The following RAD51B variants were observed in gnomAD, a reference collection of about 807,000 sequenced individuals.
RAD51B encodes the protein DNA repair protein RAD51 homolog 2.
In RAD51B, 38 loss-of-function variants were observed where a neutral mutation model predicts 42.2. The ratio of observed to expected loss-of-function variants is 0.90; its 90% confidence interval spans 0.70 to 1.18. The LOEUF is 1.18. RAD51B is among the 50% of genes most tolerant of loss of function. The probability of loss-of-function intolerance (pLI) is 0.00; values close to 1 mark genes in which losing one functional copy is unlikely to be tolerated. For synonymous variants in RAD51B, 154 were observed against 145.2 expected (o/e 1.06, Z -0.43); for missense variants, 373 against 400.7 (o/e 0.93, Z 0.59).
At chr14:67,959,995 G>T (rs1386312656) in intron 7 of RAD51B, among the ~76,000 whole-genome samples, 1 of 151,984 alleles carries the variant, frequency 6.6e-6, no homozygotes, top group African/African-American at 2.4e-5. Context: ...TGAGGCAGGA[G>T]AATTGCTTGA....
At chr14:67,968,133 G>A (rs2074822744) in intron 7 of RAD51B, among the ~76,000 whole-genome samples, 1 of 152,218 alleles carries the variant, frequency 6.6e-6, no homozygotes, top group Admixed American at 6.5e-5. Context: ...ACCCCTTTTA[G>A]CAATGGCTGG....
intron 7 of RAD51B, among the ~76,000 whole-genome samples, chr14:68,109,175 C>T (rs2077422997): frequency 6.6e-6 from 1 of 151,868 alleles, no homozygotes; most frequent in Non-Finnish European, 1.5e-5. Context: ...TTCCTGCATT[C>T]TCTATTATTC....
chr14:68,663,786 C>T (rs1047115408), intron 11 of RAD51B, among the ~76,000 whole-genome samples: 2 of 152,186 alleles, frequency 1.3e-5, no homozygotes, highest in African/African-American at 4.8e-5. Flanking sequence ...CAGGATTGAA[C>T]TTGATTTCCA....
At position 68,565,859 on chromosome 14, in the gene RAD51B, G is replaced by A. The variant is rs1465028963; in HGVS notation, c.1037-28626G>A. Among the ~76,000 whole-genome samples the A allele has an allele frequency of 6.6e-6, 1 of 152,196 alleles. No homozygotes were observed. ...CCAGTTCTCCCAGTGCAACTGGGGA[G>A]GGTATCTGGATCTTTTCCCTGGAGG... On this transcript the variant is annotated intron_variant, in intron 10 of 10. Transcript: ENST00000487270. The surrounding 1 kb of genome is among the most constrained non-coding windows in gnomAD (Gnocchi z 4.1).
At chr14:68,335,948 GAGAGA>G (rs1367948949) in intron 8 of RAD51B, among the ~76,000 whole-genome samples, 1 of 152,234 alleles carries the variant, frequency 6.6e-6, no homozygotes, top group East Asian at 1.9e-4. Flanking sequence ...CATAAAGGCT[GAGAGA>G]AGGTTTATCA....
At chr14:68,606,928 A>G (rs1466973419) in intron 10 of RAD51B, among the ~76,000 whole-genome samples, 2 of 152,210 alleles carry the variant, frequency 1.3e-5, no homozygotes, top group Admixed American at 6.5e-5. Flanking sequence ...CTTCTTCAGT[A>G]GTTGAGGAGG....
At chr14:68,259,787 G>T (rs1247391967) in intron 7 of RAD51B, among the ~76,000 whole-genome samples, 2 of 152,094 alleles carry the variant, frequency 1.3e-5, no homozygotes, top group Non-Finnish European at 2.9e-5. Context: ...GTTAAGCATG[G>T]TGTCTTGACC....
intron 9 of RAD51B, among the ~76,000 whole-genome samples, chr14:68,443,321 G>A (rs17828721): frequency 1.3e-5 from 2 of 152,026 alleles, no homozygotes; most frequent in Non-Finnish European, 2.9e-5. Context: ...TTTTTTGAAC[G>A]AGTGTCTGAT....
intron 8 of RAD51B, among the ~76,000 whole-genome samples, chr14:68,372,049 G>A (rs1249474362): frequency 6.6e-6 from 1 of 152,198 alleles, no homozygotes; most frequent in Non-Finnish European, 1.5e-5. Flanking sequence ...AGAGGATCAG[G>A]TGGGAAGAAA....
chr14:68,302,694 A>G (rs993503205), intron 8 of RAD51B, among the ~76,000 whole-genome samples: 1 of 152,210 alleles, frequency 6.6e-6, no homozygotes, highest in Non-Finnish European at 1.5e-5. Flanking sequence ...CATTGTTTCT[A>G]TAGATATTAA....
chr14:68,219,780 T>G (rs1006322056), intron 7 of RAD51B, among the ~76,000 whole-genome samples: 2 of 152,012 alleles, frequency 1.3e-5, no homozygotes, highest in Admixed American at 1.3e-4. Flanking sequence ...ATGAGGTTCT[T>G]TAACACCCCC....
At chr14:68,468,051 T>A (rs1449216923) in intron 9 of RAD51B, 121 bp from the exon 10 acceptor site, 16 of 809,902 alleles carry the variant, frequency 2.0e-5, no homozygotes, top group Admixed American at 1.0e-4. Flanking sequence ...TTTTTTTTTT[T>A]AAATAAGCCT....
intron 11 of RAD51B, among the ~76,000 whole-genome samples, chr14:68,676,975 G>A (rs1222572986): frequency 1.3e-5 from 2 of 152,210 alleles, no homozygotes; most frequent in Non-Finnish European, 2.9e-5. Context: ...GAAGCACAAA[G>A]CGTGGAGCTC....
At chr14:67,923,916 A>C (rs1351672255) in intron 7 of RAD51B, among the ~76,000 whole-genome samples, 2 of 152,180 alleles carry the variant, frequency 1.3e-5, no homozygotes, top group African/African-American at 4.8e-5. Flanking sequence ...AATTATGGCC[A>C]TTCTTGCAGG....
At chr14:68,006,291 T>C (rs866767950) in intron 7 of RAD51B, among the ~76,000 whole-genome samples, 2 of 152,356 alleles carry the variant, frequency 1.3e-5, no homozygotes, top group Middle Eastern at 6.8e-3. Flanking sequence ...GTACTACAAC[T>C]AGCTTCTCTA....
intron 11 of RAD51B, among the ~76,000 whole-genome samples, chr14:68,653,124 G>T (rs997229788): frequency 6.6e-6 from 1 of 152,170 alleles, no homozygotes; most frequent in African/African-American, 2.4e-5. Flanking sequence ...GTGGGCTCAC[G>T]GTGACCCACA....
intron 7 of RAD51B, among the ~76,000 whole-genome samples, chr14:68,126,282 G>T (rs2140655346): frequency 6.6e-6 from 1 of 152,192 alleles, no homozygotes; most frequent in Middle Eastern, 3.4e-3. Context: ...GAGCATGTTT[G>T]CTGCCTTGAT....
intron 8 of RAD51B, among the ~76,000 whole-genome samples, chr14:68,321,737 A>T (rs1453288737): frequency 6.6e-6 from 1 of 152,178 alleles, no homozygotes; most frequent in Non-Finnish European, 1.5e-5. Flanking sequence ...GTTAATTTTT[A>T]AATTTTTTAA....
intron 7 of RAD51B, among the ~76,000 whole-genome samples, chr14:68,075,803 C>T (rs996107050): frequency 2.0e-5 from 3 of 152,204 alleles, no homozygotes; most frequent in African/African-American, 7.2e-5. Flanking sequence ...GGAGACTGGG[C>T]TCCTCTCTGT....
Sources: allele counts gnomAD v4.1 joint callset (sites outside exome capture counted in the v4.1 genomes callset), GRCh38; gene constraint gnomAD v4.1.1; non-coding constraint Gnocchi (gnomAD v3.1); transcripts MANE v1.5; gene names NCBI Gene and HGNC (gene_info 2026-07-23, HGNC 2026-07-21).